SLCO3A1: variants seen among roughly 807,000 people sequenced by gnomAD.
The protein encoded by SLCO3A1 is PGE1 transporter.
A neutral mutation model predicts 63.1 loss-of-function variants in SLCO3A1; 27 were observed. The observed-to-expected ratio is 0.43, with a 90% CI of 0.32 to 0.59. The LOEUF is 0.59. SLCO3A1 is among the 20% of genes least tolerant of loss of function. The probability of loss-of-function intolerance (pLI) is 0.09; values close to 1 mark genes in which losing one functional copy is unlikely to be tolerated. For missense variants in SLCO3A1, 773 were observed against 945.8 expected (o/e 0.82, Z 2.40); for synonymous variants, 473 against 409.9 (o/e 1.15, Z -1.86).
At chr15:92,078,127 G>C (rs1245077433) in intron 2 of SLCO3A1, among the ~76,000 whole-genome samples, 1 of 152,198 alleles carries the variant, frequency 6.6e-6, no homozygotes, top group Non-Finnish European at 1.5e-5. Context: ...TCTCGAGGTA[G>C]CAGTGGGCTT....
intron 7 of SLCO3A1, among the ~76,000 whole-genome samples, chr15:92,131,229 C>T (rs957818749): frequency 2.0e-5 from 3 of 152,246 alleles, no homozygotes; most frequent in Admixed American, 6.5e-5. Flanking sequence ...TAGTGTCTCC[C>T]TCTGTACCTC....
intron 2 of SLCO3A1, among the ~76,000 whole-genome samples, chr15:91,980,402 G>A (rs985147928): frequency 4.7e-5 from 7 of 150,242 alleles, no homozygotes; most frequent in African/African-American, 1.7e-4. Context: ...CAAGAGTTTG[G>A]GGGCTGGGAA....
At chr15:92,123,049 G>A (rs768983926) in intron 5 of SLCO3A1, among the ~76,000 whole-genome samples, 2 of 152,232 alleles carry the variant, frequency 1.3e-5, no homozygotes, top group Non-Finnish European at 2.9e-5. Context: ...TGTAGTTACA[G>A]GGGTGTGTAC....
chr15:92,114,960 A>G (rs980244764), intron 4 of SLCO3A1, among the ~76,000 whole-genome samples: 1 of 152,182 alleles, frequency 6.6e-6, no homozygotes, highest in African/African-American at 2.4e-5. Context: ...CGATAACCCA[A>G]AAAGCATTGG....
intron 7 of SLCO3A1, among the ~76,000 whole-genome samples, chr15:92,132,848 G>A (rs754826438): frequency 6.9e-6 from 1 of 145,316 alleles, no homozygotes; most frequent in Admixed American, 6.8e-5. Flanking sequence ...TCAGTGTGAC[G>A]GGTCTCAATA....
At chr15:91,914,321 T>G (rs1178495845) in intron 1 of SLCO3A1, among the ~76,000 whole-genome samples, 1 of 152,206 alleles carries the variant, frequency 6.6e-6, no homozygotes, top group African/African-American at 2.4e-5. Flanking sequence ...ATTTTTAATC[T>G]TCACATCCCT....
chr15:92,083,205 G>A (rs1052738961), intron 2 of SLCO3A1, among the ~76,000 whole-genome samples: 15 of 152,132 alleles, frequency 9.9e-5, no homozygotes, highest in South Asian at 6.2e-4. Flanking sequence ...TTGTTTCCTC[G>A]AAGTTGAGTC....
chr15:92,056,863 A>G (rs1243685911), intron 2 of SLCO3A1, among the ~76,000 whole-genome samples: 2 of 152,118 alleles, frequency 1.3e-5, no homozygotes, highest in Admixed American at 6.5e-5. Flanking sequence ...AACAAGCTCA[A>G]CCCCTTCCCA....
chr15:91,905,609 T>G (rs955654626), intron 1 of SLCO3A1, among the ~76,000 whole-genome samples: 2 of 151,030 alleles, frequency 1.3e-5, no homozygotes, highest in African/African-American at 4.9e-5. Flanking sequence ...TGTATATATG[T>G]TTTCAAGGGA....
At chr15:92,008,606 A>G (rs1261701956) in intron 2 of SLCO3A1, among the ~76,000 whole-genome samples, 1 of 152,236 alleles carries the variant, frequency 6.6e-6, no homozygotes, top group Non-Finnish European at 1.5e-5. Context: ...TGGGGAGTCA[A>G]CATTGACACT....
At position 91,856,245 on chromosome 15, in the gene SLCO3A1, G is replaced by A. The variant is rs1195304244; in HGVS notation, c.180+2157G>A. ...GGGGTAGGGTAACAGGAGTCAACAG[G>A]TGACTTGCAGAAAGCAGCTGGAGGC... On this transcript the variant is annotated intron_variant, in intron 1 of 9. Transcript: ENST00000318445. This position sits in a 1 kb window ranked among gnomAD's most constrained non-coding sequence, Gnocchi z 4.9. Among the ~76,000 whole-genome samples the A allele has an allele frequency of 1.3e-5, 2 of 152,080 alleles. No homozygotes were observed. The highest frequency in any genetic ancestry group is 3.9e-4 in the East Asian group (2 of 5,172).
chr15:91,978,433 G>C (rs576585156), intron 2 of SLCO3A1, among the ~76,000 whole-genome samples: 16 of 152,286 alleles, frequency 1.1e-4, no homozygotes, highest in Middle Eastern at 3.4e-3. Context: ...TGAAGGCAGT[G>C]ATCTTTAGAG....
chr15:91,979,211 G>C (rs1441532702), intron 2 of SLCO3A1, among the ~76,000 whole-genome samples: 1 of 151,764 alleles, frequency 6.6e-6, no homozygotes, highest in Non-Finnish European at 1.5e-5. Flanking sequence ...TTTTAATTTT[G>C]GAATATGTGC....
intron 2 of SLCO3A1, among the ~76,000 whole-genome samples, chr15:92,044,023 C>T (rs2046830097): frequency 6.6e-6 from 1 of 152,218 alleles, no homozygotes; most frequent in Non-Finnish European, 1.5e-5. Context: ...GACCCAGCTA[C>T]TCCTTCCAGC....
At chr15:91,988,617 GA>G (rs2046085978) in intron 2 of SLCO3A1, among the ~76,000 whole-genome samples, 1 of 152,032 alleles carries the variant, frequency 6.6e-6, no homozygotes, top group South Asian at 2.1e-4. Context: ...AGGGGAATAA[GA>G]ATCACCTGGA....
At chr15:91,896,958 G>C (rs77664999) in intron 1 of SLCO3A1, among the ~76,000 whole-genome samples, 2 of 152,312 alleles carry the variant, frequency 1.3e-5, no homozygotes, top group Middle Eastern at 3.4e-3. Flanking sequence ...TTAGGAGCCA[G>C]ACAGTCCTGG....
chr15:91,863,415 G>A lies in SLCO3A1; in HGVS notation c.180+9327G>A, dbSNP rs1897093782. 6.6e-6 allele frequency among the ~76,000 whole-genome samples: 1 copy of A among 152,218 alleles called. No individual in the cohort carries two copies. The highest frequency in any genetic ancestry group is 6.5e-5 in the Admixed American group (1 of 15,290). ...TCGAGGTTGCTCGTGCAGTGTAGTG[G>A]GATGGCCGTGAGTACAACCACTGCC... is the stretch of plus-strand genomic sequence containing the variant. On this transcript the variant is annotated intron_variant, in intron 1 of 9. Transcript: ENST00000318445. The surrounding 1 kb of genome is among the most constrained non-coding windows in gnomAD (Gnocchi z 4.3).
At chr15:92,155,676 T>G (rs1293140931) in intron 9 of SLCO3A1, among the ~76,000 whole-genome samples, 1 of 138,828 alleles carries the variant, frequency 7.2e-6, no homozygotes, top group African/African-American at 2.5e-5. Flanking sequence ...AAGCAGTGGG[T>G]TTGAACGGTA....
rs534472368 is a variant in SLCO3A1 at position 92,140,518 on chromosome 15, A to G, written c.1513-6466A>G. On this transcript the variant is annotated intron_variant, in intron 7 of 9. Coordinates refer to ENST00000318445, the MANE Select transcript of SLCO3A1 (RefSeq NM_013272.4). ...TCCGCTTGGTGCAGAGCTGAGTTCA[A>G]TTCCTGGGTATCCTTGTTGACTTTC... 2.0e-5 allele frequency among the ~76,000 whole-genome samples: 3 copies of G among 152,114 alleles called. No homozygotes were observed. In the South Asian group the frequency reaches 6.3e-4, roughly 32 times the overall value.
Sources: allele counts gnomAD v4.1 joint callset (sites outside exome capture counted in the v4.1 genomes callset), GRCh38; gene constraint gnomAD v4.1.1; non-coding constraint Gnocchi (gnomAD v3.1); transcripts MANE v1.5; gene names NCBI Gene and HGNC (gene_info 2026-07-23, HGNC 2026-07-21).